KAZN: variants seen among roughly 807,000 people sequenced by gnomAD.
The protein encoded by KAZN is kazrin, periplakin interacting protein, also known as kazrin.
A neutral mutation model predicts 87.4 loss-of-function variants in KAZN; 40 were observed. The observed-to-expected ratio is 0.46, with a 90% CI of 0.36 to 0.60. The LOEUF (loss-of-function observed/expected upper bound fraction) is 0.60. Ranked by LOEUF, KAZN falls within the 20% of genes least tolerant of loss-of-function variation. KAZN has a pLI of 0.00. For synonymous variants in KAZN, 466 were observed against 458.3 expected (o/e 1.02, Z -0.22); for missense variants, 898 against 1,073.9 (o/e 0.84, Z 2.29).
chr1:14,511,285 G>C (rs1266899383), intron 2 of KAZN, among the ~76,000 whole-genome samples: 1 of 152,154 alleles, frequency 6.6e-6, no homozygotes, highest in East Asian at 1.9e-4. Context: ...ACCCAGGAGA[G>C]ACACAACAGT....
At chr1:14,525,977 A>G (rs531037653) in intron 2 of KAZN, among the ~76,000 whole-genome samples, 1 of 152,244 alleles carries the variant, frequency 6.6e-6, no homozygotes, top group African/African-American at 2.4e-5. Context: ...ACTTGCTCAT[A>G]AATTAGGGGG....
intron 1 of KAZN, among the ~76,000 whole-genome samples, chr1:14,108,774 T>C (rs535104648): frequency 1.3e-5 from 2 of 152,266 alleles, no homozygotes; most frequent in Admixed American, 1.3e-4. Flanking sequence ...CCCCCAAGCA[T>C]GCACGTCCCA....
chr1:14,378,091 T>C (rs1306557231), intron 2 of KAZN, among the ~76,000 whole-genome samples: 1 of 152,208 alleles, frequency 6.6e-6, no homozygotes, highest in African/African-American at 2.4e-5. Context: ...AAGACCTTAC[T>C]CAGTGCTAGG....
intron 4 of KAZN, among the ~76,000 whole-genome samples, chr1:15,047,507 G>A (rs541774326): frequency 1.6e-4 from 25 of 152,306 alleles, no homozygotes; most frequent in South Asian, 8.3e-4. Context: ...GTGGTGTCTC[G>A]TGCCTGTAAT....
chr1:14,104,735 T>A (rs1644331456), intron 1 of KAZN, among the ~76,000 whole-genome samples: 1 of 152,208 alleles, frequency 6.6e-6, no homozygotes, highest in East Asian at 1.9e-4. Flanking sequence ...ATTTGTACCC[T>A]TATCATTTTT....
intron 2 of KAZN, among the ~76,000 whole-genome samples, chr1:14,210,723 A>T (rs1452718138): frequency 1.3e-5 from 2 of 152,084 alleles, no homozygotes; most frequent in African/African-American, 4.8e-5. Flanking sequence ...TAAAACAATA[A>T]TAATAAACCC....
intron 2 of KAZN, among the ~76,000 whole-genome samples, chr1:14,496,080 A>T (rs1403682875): frequency 6.6e-6 from 1 of 152,150 alleles, no homozygotes; most frequent in Middle Eastern, 3.2e-3. Context: ...TTATTTTCAC[A>T]GTCTCGCTTT....
intron 1 of KAZN, among the ~76,000 whole-genome samples, chr1:14,646,098 G>A (rs1389895321): frequency 1.3e-5 from 2 of 152,120 alleles, no homozygotes; most frequent in East Asian, 3.9e-4. Flanking sequence ...GTTGGGGTGG[G>A]GAGTGGGGGT....
chr1:14,854,577 C>A (rs1382672292), intron 1 of KAZN, among the ~76,000 whole-genome samples: 1 of 152,068 alleles, frequency 6.6e-6, no homozygotes, highest in Non-Finnish European at 1.5e-5. Flanking sequence ...TTATGACAAC[C>A]CACTCTTGCG....
At chr1:14,228,816 C>A (rs112175014) in intron 2 of KAZN, among the ~76,000 whole-genome samples, 39 of 152,338 alleles carry the variant, frequency 2.6e-4, no homozygotes, top group Non-Finnish European at 5.0e-4. Context: ...TCCGGGCCTA[C>A]TCATTCTTGG....
At chr1:15,026,287 G>C (rs1671150144) in intron 2 of KAZN, among the ~76,000 whole-genome samples, 1 of 152,210 alleles carries the variant, frequency 6.6e-6, no homozygotes, top group East Asian at 1.9e-4. Context: ...GCTGAGCTCT[G>C]TCCTGGGTCC....
chr1:15,019,305 C>A (rs951428288), intron 2 of KAZN, among the ~76,000 whole-genome samples: 2 of 152,198 alleles, frequency 1.3e-5, no homozygotes, highest in Non-Finnish European at 1.5e-5. Flanking sequence ...GGGCTCAGAA[C>A]CAGACCCACC....
At chr1:14,519,462 G>A (rs1007005511) in intron 2 of KAZN, among the ~76,000 whole-genome samples, 2 of 152,150 alleles carry the variant, frequency 1.3e-5, no homozygotes, top group African/African-American at 2.4e-5. Context: ...GTGCTGAGCG[G>A]CAGATACTAC....
At chr1:14,112,590 C>T (rs1428780517) in intron 1 of KAZN, among the ~76,000 whole-genome samples, 1 of 152,148 alleles carries the variant, frequency 6.6e-6, no homozygotes. Flanking sequence ...GAAACTGTGA[C>T]TCTGATAAGA....
intron 2 of KAZN, among the ~76,000 whole-genome samples, chr1:14,510,215 C>T (rs1670826997): frequency 1.3e-5 from 2 of 152,066 alleles, no homozygotes; most frequent in South Asian, 2.1e-4. Flanking sequence ...TCTGTCTCTA[C>T]TAAAAATACA....
At chr1:14,134,089 T>G (rs1570824650) in intron 1 of KAZN, among the ~76,000 whole-genome samples, 2 of 152,210 alleles carry the variant, frequency 1.3e-5, no homozygotes, top group African/African-American at 4.8e-5. Context: ...GTTCTAGGAT[T>G]TAGCTGGATA....
At chr1:14,200,549 AGTTTGTT>A (rs1369622208) in intron 2 of KAZN, among the ~76,000 whole-genome samples, 3 of 152,216 alleles carry the variant, frequency 2.0e-5, no homozygotes, top group Non-Finnish European at 4.4e-5. Context: ...GATTGAGCCC[AGTTTGTT>A]TCTGCATATG....
At chr1:13,960,650 A>C (rs1641716093) in intron 1 of KAZN, among the ~76,000 whole-genome samples, 2 of 152,166 alleles carry the variant, frequency 1.3e-5, no homozygotes, top group Admixed American at 1.3e-4. Context: ...GATTTCCCAA[A>C]TCGGCTTGTA....
At chr1:14,891,096 G>A (rs573438054) in intron 1 of KAZN, among the ~76,000 whole-genome samples, 39 of 147,190 alleles carry the variant, frequency 2.6e-4, no homozygotes, top group Middle Eastern at 4.1e-3. Flanking sequence ...CACCCGCCTC[G>A]GCCTCCCAAA....
Sources: allele counts gnomAD v4.1 joint callset (sites outside exome capture counted in the v4.1 genomes callset), GRCh38; gene constraint gnomAD v4.1.1; transcripts MANE v1.5; gene names NCBI Gene and HGNC (gene_info 2026-07-23, HGNC 2026-07-21).